Variants in SLFN11 observed in about 807,000 individuals in gnomAD.
The protein encoded by SLFN11 is schlafen family member 11.
Under a neutral mutation model 53.4 loss-of-function variants are expected in SLFN11, and 43 were observed. That is an observed-to-expected ratio of 0.80 (90% CI 0.63 to 1.04). The LOEUF (loss-of-function observed/expected upper bound fraction) is 1.04, where lower values mean the gene tolerates loss of function less well. Among genes scored for constraint, SLFN11 ranks in the 50% least tolerant of loss-of-function variants. The pLI is 0.00. For missense variants in SLFN11, 990 were observed against 1,079.1 expected, an observed-to-expected ratio of 0.92 and a Z score of 1.16; for synonymous variants, 389 against 394.7, an observed-to-expected ratio of 0.99 and a Z score of 0.17.
At position 35,352,765 on chromosome 17, in the gene SLFN11, T is replaced by C. The variant is rs1206372096; in HGVS notation, c.2297A>G (p.Glu766Gly). Residue 766 changes from glutamate (E) to glycine (G), a missense_variant, in exon 7 of 7, where the codon GAA becomes GGA. Physicochemically the swap from Glu to Gly is moderately conservative, Grantham distance 98. This residue lies in a region of SLFN11 where 313 missense variants were observed against 320.9 expected (regional missense o/e 0.98). Coordinates refer to ENST00000685675, the MANE Select transcript of SLFN11 (RefSeq NM_001376007.1). ...IPTGCLEVFP[E>G]AEWSQGVQGT... ...CTGAACACCCTGGGACCATTCGGCT[T>C]CAGGAAATACCTCGAGGCACCCAGT... 3.1e-6 allele frequency: 5 copies of C among 1,614,124 alleles called. No individual in the cohort carries two copies. The highest frequency in any genetic ancestry group is 4.2e-6 in the Non-Finnish European group (5 of 1,180,052).
chr17:35,353,175 T>TA, intron 6 of SLFN11, 36 bp from the exon 7 acceptor site: 1 of 1,596,430 alleles, frequency 6.3e-7, no homozygotes, highest in Non-Finnish European at 8.5e-7. Context: ...AGGTTTTCTC[T>TA]AAAAAAACAA....
At position 35,360,310 on chromosome 17, in the gene SLFN11, A is replaced by G. The variant is rs372950182; in HGVS notation, c.1131T>C (p.Leu377=). Residue 377 remains leucine, a synonymous_variant, in exon 5 of 7, where the codon CTT becomes CTC. Coordinates refer to ENST00000685675, the MANE Select transcript of SLFN11 (RefSeq NM_001376007.1). ...CTTTCTTGGAGTACACTGGTCTGCT[A>G]AGGGGAGGCCCACTAGATAGACTCA... The part of the protein sequence containing the change: ...CQLSLSSGPP[L]SRPVYSKKGL... 20 of 1,610,792 alleles carry G rather than the reference A, an allele frequency of 1.2e-5. No individual in the cohort carries two copies. The highest frequency in any genetic ancestry group is 1.5e-5 in the Non-Finnish European group (18 of 1,178,906).
Position 35,353,742 on chromosome 17 carries a change from C to A in SLFN11, c.1516G>T (p.Gly506Trp), listed in dbSNP as rs570453246. The stretch of plus-strand genomic sequence containing the variant: ...ACCTTGGCCCTGACACACACCTTCC[C>A]GGTGTAGCCCCCCATGTTCACTAGC... ...QKLVNMGGYT[G>W]KVCVRAKVLC... The change falls in exon 6 of 7, where the codon GGG becomes TGG. Residue 506 changes from glycine (G) to tryptophan (W), a missense_variant. This residue lies in a region of SLFN11 where 156 missense variants were observed against 241.9 expected (regional missense o/e 0.64). Transcript: ENST00000685675. 1 of 1,500,074 alleles carries A rather than the reference C, an allele frequency of 6.7e-7. No homozygotes were observed. Among genetic ancestry groups the A allele is most frequent in the Admixed American group, 2.1e-5 (1 of 48,214 alleles). The allele number at this position is 1,500,074 out of a possible 1,614,324, so 92.9% of individuals were successfully genotyped here.
At chr17:35,358,522 T>C (rs1011178669) in intron 5 of SLFN11, among the ~76,000 whole-genome samples, 94 of 151,850 alleles carry the variant, frequency 6.2e-4, no homozygotes, top group African/African-American at 2.2e-3. Context: ...ATTAACATGA[T>C]GTTCTTGGTG....
At chr17:35,360,641 G>A (rs1192340166) in intron 4 of SLFN11, among the ~76,000 whole-genome samples, 2 of 151,998 alleles carry the variant, frequency 1.3e-5, no homozygotes, top group African/African-American at 4.8e-5. Context: ...TTAGCATTTT[G>A]TTTGCACACC....
At position 35,353,962 on chromosome 17, in the gene SLFN11, T is replaced by C. The variant is rs200531063; in HGVS notation, c.1296A>G (p.Gln432=). The change falls in exon 6 of 7, where the codon CAA becomes CAG. Residue 432 remains glutamine, a synonymous_variant. Coordinates refer to ENST00000685675, the MANE Select transcript of SLFN11 (RefSeq NM_001376007.1). ...GLEELINKQM[Q]PFFRGILIFS... The stretch of plus-strand genomic sequence containing the variant: ...AGATCAAAATTCCCCGAAAGAAAGG[T>C]TGCATTTGCTTATTTATTAACTCCT... The C allele has an allele frequency of 5.6e-6, 9 of 1,614,054 alleles. No individual in the cohort carries two copies. The highest frequency in any genetic ancestry group is 7.6e-6 in the Non-Finnish European group (9 of 1,180,004).
intron 1 of SLFN11, among the ~76,000 whole-genome samples, chr17:35,370,587 T>C (rs1052832854): frequency 8.7e-4 from 132 of 152,050 alleles, no homozygotes; most frequent in African/African-American, 3.0e-3. Context: ...CTAAAGACTA[T>C]ACCAGATAAC....
intron 5 of SLFN11, chr17:35,359,982 C>G (rs1050306667): frequency 2.9e-6 from 1 of 342,228 alleles, no homozygotes; most frequent in African/African-American, 2.2e-5. Flanking sequence ...TGATGATCAG[C>G]CAGATTTGGG....
rs142127999 is a variant in SLFN11 at position 35,363,217 on chromosome 17, G to A, written c.591C>T (p.Asp197=). 109 of 1,614,066 alleles carry A rather than the reference G, an allele frequency of 6.8e-5. No homozygotes were observed. The African/African-American group carries it at 1.4e-3, about 20-fold the overall frequency. Residue 197 remains aspartate, a synonymous_variant, in exon 4 of 7, where the codon GAC becomes GAT. Transcript: ENST00000685675. ...SDPADLIFQK[D]YLEYGEILPF... ...GCAGGATTTCACCATATTCAAGATA[G>A]TCTTTTTGGAAAATTAGGTCAGCAG...
At position 35,373,148 on chromosome 17, in the gene SLFN11, G is replaced by T. The variant is rs1307113743; in HGVS notation, c.-235+326C>A. Among the ~76,000 whole-genome samples the T allele has an allele frequency of 2.2e-4, 33 of 151,994 alleles. 1 individual carries two copies. ...TGCACTCAGTGGCCTTCTAGGCTTCGGTTCCTGCTCCGCGCCCCGCAGAAA... is the reference window on the plus strand; with the variant it reads ...TGCACTCAGTGGCCTTCTAGGCTTCTGTTCCTGCTCCGCGCCCCGCAGAAA... On this transcript the variant is annotated intron_variant, in intron 1 of 6. Transcript: ENST00000685675.
At chr17:35,359,582 T>G (rs1363143895) in intron 5 of SLFN11, among the ~76,000 whole-genome samples, 1 of 152,038 alleles carries the variant, frequency 6.6e-6, no homozygotes, top group Non-Finnish European at 1.5e-5. Flanking sequence ...GGGATAAGAG[T>G]AGAGAAAAGG....
At chr17:35,369,023 T>G (rs1909313851) in intron 1 of SLFN11, among the ~76,000 whole-genome samples, 1 of 151,936 alleles carries the variant, frequency 6.6e-6, no homozygotes, top group African/African-American at 2.4e-5. Context: ...GGGTCTTGGG[T>G]GAGACTCTGC....
intron 1 of SLFN11, 130 bp downstream of exon 1, chr17:35,373,344 G>C (rs1402915030): frequency 7.2e-6 from 1 of 139,322 alleles, no homozygotes. Context: ...CTGGGCCCCC[G>C]GACAGGGGAG....
In SLFN11 at chr17:35,362,729, T is replaced by C; in HGVS notation, c.1069+10A>G. The C allele has an allele frequency of 6.5e-7, 1 of 1,527,882 alleles. No homozygotes were observed. Among genetic ancestry groups the C allele is most frequent in the South Asian group, 1.3e-5 (1 of 77,068 alleles). 94.6% of individuals were successfully genotyped at this position (1,527,882 alleles called of 1,614,324 possible). A position where few individuals can be genotyped will look rare whatever the true frequency, so the allele number is the denominator to read the frequency against. On this transcript the variant is annotated intron_variant, in intron 4 of 6. Coordinates refer to ENST00000685675, the MANE Select transcript of SLFN11 (RefSeq NM_001376007.1). ...AAAGGACAGGGAGGGAGGAGCTTTC[T>C]CCCTCTTACCTGGATCTGTGTCTGT... is the stretch of plus-strand genomic sequence containing the variant.
chr17:35,362,970 T>C lies in SLFN11; in HGVS notation c.838A>G (p.Lys280Glu). Residue 280 changes from lysine to glutamate, a missense_variant, in exon 4 of 7, where the codon AAA becomes GAA. This residue lies in a region of SLFN11 where 521 missense variants were observed against 516.2 expected (regional missense o/e 1.01). Coordinates refer to ENST00000685675, the MANE Select transcript of SLFN11 (RefSeq NM_001376007.1). Reference protein sequence around the residue: ...LRRKIEQAIYKLPCVHFCQPQ... With the variant: ...LRRKIEQAIYELPCVHFCQPQ... ...TGGCAAAAATGAACACAAGGTAGTT[T>C]GTATATGGCTTGTTCTATTTTCCTT... The C allele has an allele frequency of 1.9e-6, 3 of 1,613,834 alleles. No homozygotes were observed. The highest frequency in any genetic ancestry group is 2.5e-6 in the Non-Finnish European group (3 of 1,179,894).
At chr17:35,369,793 C>A (rs1909425312) in intron 1 of SLFN11, among the ~76,000 whole-genome samples, 1 of 152,034 alleles carries the variant, frequency 6.6e-6, no homozygotes, top group African/African-American at 2.4e-5. Context: ...TAGACACATA[C>A]AACCTACCAA....
chr17:35,363,886 TTG>T, intron 3 of SLFN11, 60 bp from the exon 4 acceptor site: 1 of 1,325,830 alleles, frequency 7.5e-7, no homozygotes, highest in Non-Finnish European at 1.0e-6. Context: ...GGTATTTATT[TTG>T]TGTCTAATAT....
At position 35,352,678 on chromosome 17, in the gene SLFN11, G is replaced by A. The variant is rs201730196; in HGVS notation, c.2384C>T (p.Thr795Met). ...VEQIMTCVAD[T>M]CRRFFDRGYS... ...GCCCCTATCAAAGAAGCGCCTGCAC[G>A]TGTCTGCCACACAGGTCATTATTTG... Residue 795 changes from threonine to methionine, a missense_variant, in exon 7 of 7, where the codon ACG (threonine) becomes ATG (methionine). By Grantham distance (81) the Thr-to-Met change is moderately conservative. This residue lies in a region of SLFN11 where 313 missense variants were observed against 320.9 expected (regional missense o/e 0.98). Transcript: ENST00000685675. 8.1e-6 allele frequency: 13 copies of A among 1,613,926 alleles called. No individual in the cohort carries two copies. Among genetic ancestry groups the A allele is most frequent in the African/African-American group, 8.0e-5 (6 of 75,028 alleles).
chr17:35,362,898 T>C lies in SLFN11; in HGVS notation c.910A>G (p.Lys304Glu). Residue 304 changes from lysine (K) to glutamate (E), a missense_variant, in exon 4 of 7, where the codon AAA (lysine) becomes GAA (glutamate). Coordinates refer to ENST00000685675, the MANE Select transcript of SLFN11 (RefSeq NM_001376007.1). ...GCATAGCCATAGAGCTCTCCCCTTTTTAACACATTCACAATTTTGAGTGTG... is the reference window on the plus strand; with the variant it reads ...GCATAGCCATAGAGCTCTCCCCTTTCTAACACATTCACAATTTTGAGTGTG... ...TFTLKIVNVLKRGELYGYACM... is the reference protein window; with the variant it reads ...TFTLKIVNVLERGELYGYACM... 1 of 1,613,974 alleles carries C rather than the reference T, an allele frequency of 6.2e-7. No individual in the cohort carries two copies. Among genetic ancestry groups the C allele is most frequent in the African/African-American group, 1.3e-5 (1 of 75,032 alleles).
Sources: allele counts gnomAD v4.1 joint callset (sites outside exome capture counted in the v4.1 genomes callset), GRCh38; gene constraint gnomAD v4.1.1; regional missense constraint gnomAD v4.1.1; transcripts MANE v1.5; gene names NCBI Gene and HGNC (gene_info 2026-07-23, HGNC 2026-07-21).